Variants in RTN3 observed in about 807,000 individuals in gnomAD.
RTN3 encodes the protein reticulon-3.
Under a neutral mutation model 77.8 loss-of-function variants are expected in RTN3, and 49 were observed. The observed-to-expected ratio is 0.63, with a 90% CI of 0.50 to 0.80. The LOEUF is 0.80. Ranked by LOEUF, RTN3 falls within the 30% of genes least tolerant of loss-of-function variation. The pLI is 0.00. For missense variants in RTN3, 1,236 were observed against 1,211.9 expected (o/e 1.02, Z -0.29); for synonymous variants, 464 against 446.9 (o/e 1.04, Z -0.48).
chr11:63,743,432 CT>C (rs996290107), intron 3 of RTN3, among the ~76,000 whole-genome samples: 8 of 151,922 alleles, frequency 5.3e-5, no homozygotes, highest in Non-Finnish European at 1.0e-4. Context: ...TATGGTTTTT[CT>C]TTTTTAGTTG....
At chr11:63,696,971 G>A (rs190012815) in intron 1 of RTN3, among the ~76,000 whole-genome samples, 39 of 121,042 alleles carry the variant, frequency 3.2e-4, no homozygotes, top group Admixed American at 2.3e-3. Flanking sequence ...GGCAAACTCC[G>A]CCTCCCGGGT....
At chr11:63,749,941 T>A in intron 3 of RTN3, 50 bp from the exon 4 acceptor site, 1 of 1,308,856 alleles carries the variant, frequency 7.6e-7, no homozygotes, top group South Asian at 1.2e-5. Context: ...ATGCAAGACA[T>A]AGTAGCTGTG....
intron 3 of RTN3, among the ~76,000 whole-genome samples, chr11:63,730,743 C>A (rs901644415): frequency 2.0e-5 from 3 of 152,146 alleles, no homozygotes; most frequent in African/African-American, 7.2e-5. Flanking sequence ...TGCTTGAGCC[C>A]AGGAGGTGGA....
intron 2 of RTN3, among the ~76,000 whole-genome samples, chr11:63,716,979 C>CA (rs6144367): frequency 0.15 from 17,559 of 120,108 alleles, 1,315 homozygotes; most frequent in South Asian, 0.18. Flanking sequence ...AAAAAAAAAA[C>CA]AAAAAAAAAA....
At chr11:63,709,091 G>A (rs1191237347) in intron 2 of RTN3, among the ~76,000 whole-genome samples, 2 of 152,184 alleles carry the variant, frequency 1.3e-5, no homozygotes, top group Non-Finnish European at 2.9e-5. Flanking sequence ...GTGATAGAGG[G>A]AGGATGCCAA....
In RTN3 at chr11:63,720,922, A is replaced by G. The variant is rs764952149; in HGVS notation, c.2420A>G (p.Gln807Arg). ...AATGGATCTGATCTTGGGATTTCCC[A>G]GAAGCCCATCACTATCAGAGAAACT... ...VKNGSDLGIS[Q>R]KPITIRETTR... is the part of the protein sequence containing the mutation. The change falls in exon 3 of 9, where the codon CAG becomes CGG. Residue 807 changes from glutamine to arginine, a missense_variant. This residue lies in a region of RTN3 where 1,056 missense variants were observed against 990.4 expected (regional missense o/e 1.07). Coordinates refer to ENST00000377819, the MANE Select transcript of RTN3 (RefSeq NM_001265589.2). 14 of 1,614,022 alleles carry G rather than the reference A, an allele frequency of 8.7e-6. No homozygotes were observed. The African/African-American group carries it at 1.9e-4, about 22-fold the overall frequency.
chr11:63,734,864 T>G (rs1487118602), intron 3 of RTN3, among the ~76,000 whole-genome samples: 2 of 151,822 alleles, frequency 1.3e-5, no homozygotes, highest in African/African-American at 4.8e-5. Context: ...AAGTTAAACT[T>G]TCTTCATTTG....
chr11:63,713,307 C>G (rs1047068580), intron 2 of RTN3, among the ~76,000 whole-genome samples: 1 of 151,872 alleles, frequency 6.6e-6, no homozygotes, highest in African/African-American at 2.4e-5. Flanking sequence ...TACCTCTTAC[C>G]ATATATCGAT....
At chr11:63,716,463 T>C (rs1234776086) in intron 2 of RTN3, among the ~76,000 whole-genome samples, 1 of 152,244 alleles carries the variant, frequency 6.6e-6, no homozygotes, top group Admixed American at 6.5e-5. Flanking sequence ...GCTGAATCTT[T>C]GATTCACTTA....
intron 1 of RTN3, among the ~76,000 whole-genome samples, chr11:63,684,135 TTTTTTTTTTTTTTTTTTTTGG>T (rs1941234021): frequency 9.0e-5 from 1 of 11,080 alleles, no homozygotes; most frequent in Non-Finnish European, 4.7e-4. Flanking sequence ...TTTGGTTTTT[TTTTTTTTTTTTTTTTTTTTGG>T]TTTTTTTTTT....
At chr11:63,703,769 C>T (rs1942363377) in intron 1 of RTN3, among the ~76,000 whole-genome samples, 1 of 151,770 alleles carries the variant, frequency 6.6e-6, no homozygotes, top group Admixed American at 6.6e-5. Context: ...GTCTTGATCT[C>T]CTGACCTCGT....
intron 3 of RTN3, among the ~76,000 whole-genome samples, chr11:63,729,647 A>G (rs2134960701): frequency 6.6e-6 from 1 of 151,436 alleles, no homozygotes; most frequent in South Asian, 2.1e-4. Context: ...TTTAGTAGAG[A>G]CAGAGTCTCA....
rs1451600145 is a variant in RTN3 at position 63,753,671 on chromosome 11, T to C, written c.2957T>C (p.Leu986Pro). ...GITLLILAELLIFSVPIVYEK... is the reference protein window; with the variant it reads ...GITLLILAELPIFSVPIVYEK... ...TGATTCTGTCTTACAGCTGAACTGC[T>C]CATTTTCAGTGTCCCGATTGTCTAT... The change falls in exon 7 of 9, where the codon CTC becomes CCC. Residue 986 changes from leucine to proline, a missense_variant. Leu to Pro is a moderately conservative substitution (Grantham distance 98). Coordinates refer to ENST00000377819, the MANE Select transcript of RTN3 (RefSeq NM_001265589.2). The C allele has an allele frequency of 6.2e-7, 1 of 1,613,752 alleles. No individual in the cohort carries two copies. Among genetic ancestry groups the C allele is most frequent in the Non-Finnish European group, 8.5e-7 (1 of 1,179,810 alleles).
At chr11:63,735,329 A>G (rs1191479056) in intron 3 of RTN3, among the ~76,000 whole-genome samples, 2 of 152,164 alleles carry the variant, frequency 1.3e-5, no homozygotes, top group African/African-American at 2.4e-5. Context: ...TCCATTTACA[A>G]TAGCACCAAA....
intron 2 of RTN3, among the ~76,000 whole-genome samples, chr11:63,706,500 G>A (rs939936022): frequency 6.6e-6 from 1 of 152,052 alleles, no homozygotes; most frequent in African/African-American, 2.4e-5. Context: ...ACCACACCTG[G>A]CCAACAATTT....
chr11:63,750,827 G>T (rs897635453), intron 4 of RTN3, among the ~76,000 whole-genome samples: 4 of 151,920 alleles, frequency 2.6e-5, no homozygotes, highest in African/African-American at 9.7e-5. Context: ...CTCCTCCTGG[G>T]TTCATGCCAT....
intron 3 of RTN3, among the ~76,000 whole-genome samples, chr11:63,723,460 G>A (rs1349621464): frequency 1.4e-5 from 2 of 138,738 alleles, no homozygotes; most frequent in Non-Finnish European, 3.1e-5. Context: ...GTCTCACTCT[G>A]TTGCCCAGGC....
At chr11:63,681,828 C>T (rs937979153) in intron 1 of RTN3, 50 bp downstream of exon 1, 2 of 1,465,174 alleles carry the variant, frequency 1.4e-6, no homozygotes, top group Non-Finnish European at 1.8e-6. Context: ...GAGCGGGAGC[C>T]TGGGGGCTGG....
intron 1 of RTN3, among the ~76,000 whole-genome samples, chr11:63,701,263 CAT>C (rs1326144779): frequency 6.6e-6 from 1 of 151,892 alleles, no homozygotes; most frequent in Non-Finnish European, 1.5e-5. Context: ...TCCAGAATGT[CAT>C]ATAGTTGGAC....
Sources: allele counts gnomAD v4.1 joint callset (sites outside exome capture counted in the v4.1 genomes callset), GRCh38; gene constraint gnomAD v4.1.1; regional missense constraint gnomAD v4.1.1; transcripts MANE v1.5; gene names NCBI Gene and HGNC (gene_info 2026-07-23, HGNC 2026-07-21).